Variants in C4orf50 observed in about 807,000 individuals in gnomAD.
The protein encoded by C4orf50 is uncharacterized protein C4orf50.
C4orf50 carries 80 observed loss-of-function variants against 77.2 expected under a neutral mutation model. The ratio of observed to expected loss-of-function variants is 1.04; its 90% CI spans 0.87 to 1.25. The LOEUF (loss-of-function observed/expected upper bound fraction) is 1.25. Ranked by LOEUF, C4orf50 falls within the 50% of genes most tolerant of loss-of-function variation. The pLI is 0.00. For missense variants in C4orf50, 1,257 were observed against 1,152.9 expected, an observed-to-expected ratio of 1.09 and a Z score of -1.31; for synonymous variants, 532 against 465.3, an observed-to-expected ratio of 1.14 and a Z score of -1.84.
intron 29 of C4orf50, among the ~76,000 whole-genome samples, chr4:5,977,361 C>T (rs757653715): frequency 2.0e-5 from 3 of 152,200 alleles, no homozygotes; most frequent in Non-Finnish European, 4.4e-5. Context: ...ACTCTTCGGA[C>T]CAACATACCT....
exon 28 of C4orf50, chr4:5,989,409 C>A: frequency 1.3e-6 from 2 of 1,536,116 alleles, no homozygotes; most frequent in East Asian, 2.4e-5. Context: ...TCTTTCCCGG[C>A]TTATCACCTT....
intron 33 of C4orf50, among the ~76,000 whole-genome samples, chr4:5,961,272 G>A (rs931941273): frequency 6.6e-6 from 1 of 152,190 alleles, no homozygotes; most frequent in Non-Finnish European, 1.5e-5. Flanking sequence ...CCGAGATCGT[G>A]CCTCTGCACG....
At position 5,992,813 on chromosome 4, in the gene C4orf50, T is replaced by C. The variant is rs1050301600; in HGVS notation, c.1211A>G (p.Asn404Ser). The C allele has an allele frequency of 3.3e-5, 13 of 398,962 alleles. No homozygotes were observed. The highest frequency in any genetic ancestry group is 4.4e-5 in the Non-Finnish European group (10 of 226,118). The allele number at this position is 398,962 out of a possible 1,614,324, so 24.7% of individuals were successfully genotyped here. A position where few individuals can be genotyped will look rare whatever the true frequency, so the allele number is the denominator to read the frequency against. Residue 404 changes from asparagine to serine, a missense_variant, in exon 27 of 34, where the codon AAC becomes AGC. Transcript: ENST00000531445. The surrounding 1 kb of genome is among the most constrained non-coding windows in gnomAD (Gnocchi z 5.0). ...AGCCTCTGGCCTCACCTGTTCACGG[T>C]TGGATCCGGCCAGGTCTCTGGGGAG... is the stretch of plus-strand genomic sequence containing the variant.
intron 7 of C4orf50, among the ~76,000 whole-genome samples, chr4:5,913,516 A>G (rs945939679): frequency 2.0e-5 from 3 of 152,230 alleles, no homozygotes; most frequent in Non-Finnish European, 4.4e-5. Flanking sequence ...TGGAAAATAT[A>G]GATGAGATAA....
At chr4:5,917,819 C>T (rs61581855) in intron 7 of C4orf50, among the ~76,000 whole-genome samples, 2,315 of 152,200 alleles carry the variant, frequency 0.015, 77 homozygotes, top group African/African-American at 0.052. Context: ...GCTGTGCCCA[C>T]CCCGGTCCTG....
At chr4:5,918,604 G>T (rs1471219933) in intron 7 of C4orf50, among the ~76,000 whole-genome samples, 1 of 152,210 alleles carries the variant, frequency 6.6e-6, no homozygotes, top group Admixed American at 6.5e-5. Flanking sequence ...GCGAATTTCA[G>T]AAGGAAGCTC....
chr4:5,968,657 G>C (rs745482977), intron 31 of C4orf50, among the ~76,000 whole-genome samples: 1 of 152,138 alleles, frequency 6.6e-6, no homozygotes, highest in Non-Finnish European at 1.5e-5. Context: ...CCTGGTCTGA[G>C]TGCTTCCTAC....
chr4:5,949,413 T>C (rs1279340791), intron 7 of C4orf50, among the ~76,000 whole-genome samples: 2 of 152,160 alleles, frequency 1.3e-5, no homozygotes, highest in African/African-American at 2.4e-5. Flanking sequence ...TCAAAGACAC[T>C]GTCCTAAGTG....
Position 6,001,769 on chromosome 4 carries a change from G to C in C4orf50, c.963+6227C>G, listed in dbSNP as rs554809823. On this transcript the variant is annotated intron_variant, in intron 25 of 33. Coordinates refer to ENST00000531445, the Ensembl canonical transcript of C4orf50. ...AAATAAAGAGGACAGTGCCTGTCTT[G>C]CAAGATGCATGTTTTGGCTGAAGTA... Among the ~76,000 whole-genome samples, 5 of 152,384 alleles carry C rather than the reference G, an allele frequency of 3.3e-5. No homozygotes were observed. In the East Asian group the frequency reaches 9.6e-4, roughly 29 times the overall value.
At chr4:5,963,725 T>A (rs1478660168) in intron 33 of C4orf50, among the ~76,000 whole-genome samples, 1 of 152,242 alleles carries the variant, frequency 6.6e-6, no homozygotes, top group Non-Finnish European at 1.5e-5. Flanking sequence ...TCTTTTTTAC[T>A]GTGAGCACCT....
At chr4:5,988,809 T>G in exon 28 of C4orf50, 1 of 1,536,100 alleles carries the variant, frequency 6.5e-7, no homozygotes, top group Non-Finnish European at 8.7e-7. Context: ...GGATCATGTC[T>G]TCTATTCCTA....
chr4:5,987,412 CAA>C (rs58512584), intron 28 of C4orf50, among the ~76,000 whole-genome samples: 5 of 33,646 alleles, frequency 1.5e-4, no homozygotes, highest in African/African-American at 3.7e-4. Flanking sequence ...CTCTGTCTCA[CAA>C]AAAAAAAAAA....
intron 7 of C4orf50, among the ~76,000 whole-genome samples, chr4:5,951,950 C>T (rs1718744796): frequency 6.6e-6 from 1 of 152,106 alleles, no homozygotes; most frequent in African/African-American, 2.4e-5. Flanking sequence ...CCCCTCTACT[C>T]CCAAAGCAAA....
chr4:5,933,736 G>C (rs1245435773), intron 7 of C4orf50, among the ~76,000 whole-genome samples: 1 of 152,118 alleles, frequency 6.6e-6, no homozygotes, highest in African/African-American at 2.4e-5. Flanking sequence ...GGCATAGCAA[G>C]GTCCCCTCTG....
chr4:5,977,150 A>G (rs1176468525), intron 29 of C4orf50, among the ~76,000 whole-genome samples: 1 of 152,162 alleles, frequency 6.6e-6, no homozygotes, highest in African/African-American at 2.4e-5. Context: ...CCCAGCCGAG[A>G]CTGGCATCCA....
intron 29 of C4orf50, among the ~76,000 whole-genome samples, chr4:5,976,654 A>T (rs961245950): frequency 2.0e-5 from 3 of 152,082 alleles, no homozygotes; most frequent in African/African-American, 7.2e-5. Context: ...CTTGTGCAAG[A>T]CACTCTCTGC....
chr4:5,974,688 G>T (rs545613205), intron 30 of C4orf50, among the ~76,000 whole-genome samples: 103 of 152,296 alleles, frequency 6.8e-4, no homozygotes, highest in African/African-American at 2.4e-3. Flanking sequence ...CTTCTCCTCA[G>T]ATCCAGGCCC....
At chr4:5,980,466 AT>A (rs1720521769) in intron 28 of C4orf50, 128 bp from the exon 7 acceptor site, 1 of 799,098 alleles carries the variant, frequency 1.3e-6, no homozygotes, top group Non-Finnish European at 2.0e-6. Flanking sequence ...TCCTGCTTAT[AT>A]TTCTCTTACA....
At chr4:5,980,221 C>G in exon 29 of C4orf50, 1 of 1,609,950 alleles carries the variant, frequency 6.2e-7, no homozygotes, top group Non-Finnish European at 8.5e-7. Flanking sequence ...TCCAGAGACG[C>G]CTGGTGGGCA....
Sources: allele counts gnomAD v4.1 joint callset (sites outside exome capture counted in the v4.1 genomes callset), GRCh38; gene constraint gnomAD v4.1.1; non-coding constraint Gnocchi (gnomAD v3.1); transcripts MANE v1.5; gene names NCBI Gene and HGNC (gene_info 2026-07-23, HGNC 2026-07-21).